PTPRD: variants seen among roughly 807,000 people sequenced by gnomAD.
PTPRD encodes the protein receptor-type tyrosine-protein phosphatase delta.
PTPRD carries 34 observed loss-of-function variants against 214.5 expected under a neutral mutation model. The observed-to-expected ratio is 0.16, with a 90% CI of 0.12 to 0.21. PTPRD has a LOEUF of 0.21. Ranked by LOEUF, PTPRD falls within the 10% of genes least tolerant of loss-of-function variation. The probability of loss-of-function intolerance (pLI) is 1.00; values close to 1 mark genes in which losing one functional copy is unlikely to be tolerated. For synonymous variants in PTPRD, 1,128 were observed against 845.7 expected (o/e 1.33, Z -5.79); for missense variants, 2,545 against 2,398.7 (o/e 1.06, Z -1.27).
At chr9:9,441,859 T>A (rs962000670) in intron 8 of PTPRD, among the ~76,000 whole-genome samples, 1 of 152,218 alleles carries the variant, frequency 6.6e-6, no homozygotes, top group Non-Finnish European at 1.5e-5. Flanking sequence ...AGTGATAAAA[T>A]TGCTTCTGCT....
chr9:9,963,602 T>C (rs957773695), intron 4 of PTPRD, among the ~76,000 whole-genome samples: 1 of 152,120 alleles, frequency 6.6e-6, no homozygotes, highest in Non-Finnish European at 1.5e-5. Flanking sequence ...AAAGGCAGCA[T>C]AAAATATGCA....
At chr9:9,924,547 C>A (rs753714143) in intron 5 of PTPRD, among the ~76,000 whole-genome samples, 2 of 151,960 alleles carry the variant, frequency 1.3e-5, no homozygotes, top group Admixed American at 1.3e-4. Context: ...ACTGATGACA[C>A]TTTCCTTGCC....
intron 4 of PTPRD, among the ~76,000 whole-genome samples, chr9:9,958,676 A>G (rs1042896659): frequency 3.3e-5 from 5 of 152,224 alleles, no homozygotes; most frequent in African/African-American, 9.6e-5. Context: ...TCCAAAATAT[A>G]CAAAGGACTT....
chr9:9,302,830 A>G (rs970010447), intron 9 of PTPRD, among the ~76,000 whole-genome samples: 2 of 150,272 alleles, frequency 1.3e-5, no homozygotes, highest in African/African-American at 4.9e-5. Flanking sequence ...TGATATTACC[A>G]TTTTCCTTTA....
chr9:9,220,346 T>C (rs1468565833), intron 9 of PTPRD, among the ~76,000 whole-genome samples: 1 of 149,058 alleles, frequency 6.7e-6, no homozygotes, highest in Non-Finnish European at 1.5e-5. Flanking sequence ...AGGCTTCATA[T>C]TGCAAAATGA....
At chr9:10,030,329 G>A (rs1425585533) in intron 4 of PTPRD, among the ~76,000 whole-genome samples, 2 of 152,108 alleles carry the variant, frequency 1.3e-5, no homozygotes, top group Non-Finnish European at 2.9e-5. Context: ...TCACAGAAAT[G>A]AGAAAACAAA....
chr9:10,531,087 T>A (rs943137391), intron 2 of PTPRD, among the ~76,000 whole-genome samples: 2 of 152,016 alleles, frequency 1.3e-5, no homozygotes, highest in Non-Finnish European at 2.9e-5. Flanking sequence ...GTGGCTGGGA[T>A]TGCAGGTGCA....
chr9:8,446,100 A>C (rs1159755992), intron 34 of PTPRD, among the ~76,000 whole-genome samples: 2 of 152,224 alleles, frequency 1.3e-5, no homozygotes, highest in East Asian at 1.9e-4. Context: ...GGATGGTTAT[A>C]CTGACAAAAA....
chr9:9,158,918 T>C (rs1184289077), intron 10 of PTPRD, among the ~76,000 whole-genome samples: 1 of 152,180 alleles, frequency 6.6e-6, no homozygotes, highest in Non-Finnish European at 1.5e-5. Flanking sequence ...TGCAAATCAA[T>C]AAATCTGATA....
chr9:10,563,689 A>C (rs1383354975), intron 2 of PTPRD, among the ~76,000 whole-genome samples: 3 of 151,592 alleles, frequency 2.0e-5, no homozygotes, highest in African/African-American at 7.3e-5. Flanking sequence ...TTATCTTTTA[A>C]ATTTTGGAGG....
intron 7 of PTPRD, among the ~76,000 whole-genome samples, chr9:9,653,507 T>G (rs181397864): frequency 6.6e-6 from 1 of 152,140 alleles, no homozygotes; most frequent in Admixed American, 6.5e-5. Flanking sequence ...GCACCTAAAC[T>G]TGTCCAGAAG....
chr9:10,453,886 A>G (rs1034111225), intron 2 of PTPRD, among the ~76,000 whole-genome samples: 3 of 151,694 alleles, frequency 2.0e-5, no homozygotes, highest in Admixed American at 2.0e-4. Flanking sequence ...GATATTAGAA[A>G]AAAAGCTTTC....
intron 12 of PTPRD, among the ~76,000 whole-genome samples, chr9:8,681,852 T>C (rs1414014284): frequency 6.6e-6 from 1 of 152,186 alleles, no homozygotes; most frequent in African/African-American, 2.4e-5. Context: ...CCTTCCCCAC[T>C]TAAAATACAT....
At position 9,761,571 on chromosome 9, in the gene PTPRD, C is replaced by A. The variant is rs184833916; in HGVS notation, c.-326+5239G>T. 4.8e-3 allele frequency among the ~76,000 whole-genome samples: 729 copies of A among 152,140 alleles called. 2 individuals are homozygous for A. Among genetic ancestry groups the A allele is most frequent in the African/African-American group, 0.016 (651 of 41,504 alleles). ...ACAATGGGCATGGGGTAAATCTGAA[C>A]AATATTGGGGGTTTATCTCAATTTC... is the stretch of plus-strand genomic sequence containing the variant. On this transcript the variant is annotated intron_variant, in intron 6 of 45. Coordinates refer to ENST00000381196, the MANE Select transcript of PTPRD (RefSeq NM_002839.4).
At chr9:10,470,010 T>G (rs967027490) in intron 2 of PTPRD, among the ~76,000 whole-genome samples, 2 of 151,698 alleles carry the variant, frequency 1.3e-5, no homozygotes, top group Non-Finnish European at 2.9e-5. Context: ...GGTAGGGTAT[T>G]TGGGAGGGGG....
intron 9 of PTPRD, among the ~76,000 whole-genome samples, chr9:9,361,264 T>C (rs907996694): frequency 1.3e-5 from 2 of 151,076 alleles, no homozygotes; most frequent in Admixed American, 6.6e-5. Flanking sequence ...TCCCTTCAAT[T>C]CATTTGAGAT....
At chr9:9,342,438 T>C (rs888485295) in intron 9 of PTPRD, among the ~76,000 whole-genome samples, 1 of 152,162 alleles carries the variant, frequency 6.6e-6, no homozygotes, top group African/African-American at 2.4e-5. Context: ...AGGAGTAATG[T>C]TAGTAAATAA....
intron 9 of PTPRD, among the ~76,000 whole-genome samples, chr9:9,211,367 T>C (rs2099948489): frequency 6.6e-6 from 1 of 152,186 alleles, no homozygotes; most frequent in African/African-American, 2.4e-5. Flanking sequence ...CCTAAGTTTC[T>C]CATTAGGAAT....
chr9:8,668,336 G>C (rs2097209850), intron 12 of PTPRD, among the ~76,000 whole-genome samples: 1 of 152,120 alleles, frequency 6.6e-6, no homozygotes, highest in Non-Finnish European at 1.5e-5. Flanking sequence ...GATCAAATTA[G>C]GTGAATATTC....
Sources: gnomAD v4.1 joint callset for allele counts (sites outside exome capture counted in the v4.1 genomes callset) on GRCh38, gnomAD v4.1.1 for gene constraint, MANE v1.5 for transcripts, NCBI Gene and HGNC (gene_info 2026-07-23, HGNC 2026-07-21) for gene names.